IL1RAPL1: variants seen among roughly 807,000 people sequenced by gnomAD.
IL1RAPL1 encodes interleukin 1 receptor accessory protein like 1.
Under a neutral mutation model 48.4 loss-of-function variants are expected in IL1RAPL1, and 3 were observed. The observed-to-expected ratio is 0.06, with a 90% CI of 0.03 to 0.16. The LOEUF is 0.16. Ranked by LOEUF, IL1RAPL1 falls within the 10% of genes least tolerant of loss-of-function variation. The pLI is 1.00. For synonymous variants in IL1RAPL1, 185 were observed against 187.7 expected (o/e 0.99, Z 0.12); for missense variants, 349 against 530.6 (o/e 0.66, Z 3.36).
chrX:29,159,069 G>A (rs890420921), intron 2 of IL1RAPL1, among the ~76,000 whole-genome samples: 3 of 103,260 alleles, frequency 2.9e-5, no homozygotes, highest in African/African-American at 7.1e-5. Flanking sequence ...GCGTGATCTC[G>A]GCTCACTGCA....
intron 1 of IL1RAPL1, among the ~76,000 whole-genome samples, chrX:28,600,138 T>C (rs752070170): frequency 8.9e-6 from 1 of 112,040 alleles, no homozygotes; most frequent in East Asian, 2.8e-4. Flanking sequence ...GATCGTATTT[T>C]TTCTCTCACC....
Position 29,261,572 on chromosome X carries a change from T to C in IL1RAPL1, c.83-21366T>C, listed in dbSNP as rs1602140927. On this transcript the variant is annotated intron_variant, in intron 2 of 10. Transcript: ENST00000378993. The stretch of plus-strand genomic sequence containing the variant: ...TTGCCGTTATACGCTATCATGTTTC[T>C]TTCCTTCTACTTCCTTGCAGTGGTT... 2.7e-5 allele frequency among the ~76,000 whole-genome samples: 3 copies of C among 111,074 alleles called. No individual in the cohort carries two copies. The South Asian group carries it at 1.1e-3, about 43-fold the overall frequency.
At chrX:29,440,215 T>A (rs1418372695) in intron 5 of IL1RAPL1, among the ~76,000 whole-genome samples, 1 of 110,096 alleles carries the variant, frequency 9.1e-6, no homozygotes, top group Admixed American at 9.8e-5. Context: ...CATTAAAAAA[T>A]AAGAGAAAAA....
At chrX:29,360,552 T>G (rs1933362379) in intron 3 of IL1RAPL1, among the ~76,000 whole-genome samples, 1 of 112,223 alleles carries the variant, frequency 8.9e-6, no homozygotes, top group Non-Finnish European at 1.9e-5. Context: ...CATTTCACTC[T>G]TTTATATTTT....
intron 2 of IL1RAPL1, among the ~76,000 whole-genome samples, chrX:28,862,235 T>G (rs1016467523): frequency 1.1e-4 from 12 of 112,212 alleles, no homozygotes; most frequent in Admixed American, 9.5e-4. Flanking sequence ...AATCTTTATG[T>G]GAACACTCAT....
chrX:29,899,700 C>G (rs1252378801), intron 6 of IL1RAPL1, among the ~76,000 whole-genome samples: 2 of 109,104 alleles, frequency 1.8e-5, no homozygotes, highest in Non-Finnish European at 3.8e-5. Flanking sequence ...CCTGCCACCA[C>G]GCCTGGCTAA....
At chrX:29,549,450 AG>A (rs1921732344) in intron 5 of IL1RAPL1, among the ~76,000 whole-genome samples, 1 of 111,347 alleles carries the variant, frequency 9.0e-6, no homozygotes, top group Non-Finnish European at 1.9e-5. Flanking sequence ...TTTTATTATT[AG>A]TTATCGTTGT....
intron 2 of IL1RAPL1, among the ~76,000 whole-genome samples, chrX:28,891,511 A>T (rs950915511): frequency 2.7e-5 from 3 of 111,669 alleles, no homozygotes; most frequent in African/African-American, 9.8e-5. Context: ...GTTGCTATGG[A>T]TCTGCCTGTT....
At chrX:29,345,959 A>G (rs1053030591) in intron 3 of IL1RAPL1, among the ~76,000 whole-genome samples, 1 of 112,133 alleles carries the variant, frequency 8.9e-6, no homozygotes, top group Non-Finnish European at 1.9e-5. Flanking sequence ...ATCTACTCTA[A>G]AATAGGAAAG....
At chrX:28,841,552 A>G (rs1004579065) in intron 2 of IL1RAPL1, among the ~76,000 whole-genome samples, 4 of 110,725 alleles carry the variant, frequency 3.6e-5, no homozygotes, top group Admixed American at 9.7e-5. Flanking sequence ...CAACCCCTCT[A>G]TTTTAATATA....
At chrX:29,154,103 C>T (rs1306452032) in intron 2 of IL1RAPL1, among the ~76,000 whole-genome samples, 1 of 111,836 alleles carries the variant, frequency 8.9e-6, no homozygotes, top group Non-Finnish European at 1.9e-5. Context: ...CACTTCCTCT[C>T]CCAACAAAGC....
intron 2 of IL1RAPL1, among the ~76,000 whole-genome samples, chrX:29,071,295 C>T (rs1927560121): frequency 9.0e-6 from 1 of 111,005 alleles, no homozygotes; most frequent in Non-Finnish European, 1.9e-5. Flanking sequence ...TCAACATAGG[C>T]CACAAGGATG....
At chrX:28,892,938 G>A (rs1344622686) in intron 2 of IL1RAPL1, among the ~76,000 whole-genome samples, 1 of 111,698 alleles carries the variant, frequency 9.0e-6, no homozygotes, top group Non-Finnish European at 1.9e-5. Flanking sequence ...AATGCCTAAG[G>A]AGGTTCAGCA....
intron 2 of IL1RAPL1, among the ~76,000 whole-genome samples, chrX:28,961,886 AT>A (rs1172441642): frequency 1.8e-4 from 20 of 111,686 alleles, no homozygotes; most frequent in Non-Finnish European, 2.4e-4. Flanking sequence ...ATACCATTTA[AT>A]TTTTTTGAGA....
intron 2 of IL1RAPL1, among the ~76,000 whole-genome samples, chrX:29,014,579 A>G (rs2147397564): frequency 8.9e-6 from 1 of 111,822 alleles, no homozygotes; most frequent in East Asian, 2.8e-4. Context: ...GTGTATAATT[A>G]CAGGAAGACA....
At chrX:29,909,037 T>C (rs1434509177) in intron 6 of IL1RAPL1, among the ~76,000 whole-genome samples, 2 of 111,678 alleles carry the variant, frequency 1.8e-5, no homozygotes, top group African/African-American at 3.3e-5. Context: ...CATTGCTTTG[T>C]TATATCCTAT....
At chrX:29,160,546 A>G (rs1929661920) in intron 2 of IL1RAPL1, among the ~76,000 whole-genome samples, 1 of 112,237 alleles carries the variant, frequency 8.9e-6, no homozygotes, top group South Asian at 3.6e-4. Flanking sequence ...AGCATGATTT[A>G]TGATTTACAT....
intron 2 of IL1RAPL1, among the ~76,000 whole-genome samples, chrX:29,275,153 G>A (rs1932100366): frequency 9.0e-6 from 1 of 111,509 alleles, no homozygotes; most frequent in African/African-American, 3.3e-5. Context: ...GTTTCAAAGT[G>A]TCATCCCTGG....
intron 2 of IL1RAPL1, among the ~76,000 whole-genome samples, chrX:28,898,466 T>C (rs1213206432): frequency 9.0e-6 from 1 of 111,246 alleles, no homozygotes; most frequent in Non-Finnish European, 1.9e-5. Context: ...TCCAATTTCA[T>C]TCTTCAAACT....
Sources: gnomAD v4.1 joint callset for allele counts (sites outside exome capture counted in the v4.1 genomes callset) on GRCh38, gnomAD v4.1.1 for gene constraint, MANE v1.5 for transcripts, NCBI Gene and HGNC (gene_info 2026-07-23, HGNC 2026-07-21) for gene names.